The following MTX1 variants were observed in gnomAD, a reference collection of about 807,000 sequenced individuals.
MTX1 encodes the protein metaxin-1.
MTX1 carries 20 observed loss-of-function variants against 39.4 expected under a neutral mutation model. That is an observed-to-expected ratio of 0.51 (90% CI 0.36 to 0.74). The LOEUF (loss-of-function observed/expected upper bound fraction) is 0.74. MTX1 is among the 30% of genes least tolerant of loss of function. The pLI, the probability that MTX1 is intolerant of heterozygous loss-of-function variation, is 0.00. For missense variants in MTX1, 481 were observed against 485.9 expected (o/e 0.99, Z 0.10); for synonymous variants, 209 against 198.6 (o/e 1.05, Z -0.44).
rs1191485367 is a variant in MTX1, at chr1:155,213,195, C to G, written c.1032-42C>G. 4 of 367,742 alleles carry G rather than the reference C, an allele frequency of 1.1e-5. No homozygotes were observed. The Admixed American group carries it at 1.4e-4, about 13-fold the overall frequency. 22.8% of individuals were successfully genotyped at this position (367,742 alleles called of 1,614,324 possible). On this transcript the variant is annotated intron_variant, in intron 6 of 7. Coordinates refer to ENST00000368376, the MANE Select transcript of MTX1 (RefSeq NM_002455.5). ...CAGCTCCATCTTTACCCCTTCTACC[C>G]CAGTGGTTCTCCTCCATCCCACCCT...
At position 155,209,151 on chromosome 1, in the gene MTX1, C is replaced by G; in HGVS notation, c.347C>G (p.Pro116Arg). The G allele has an allele frequency of 6.6e-7, 1 of 1,519,010 alleles. No homozygotes were observed. 94.1% of individuals were successfully genotyped at this position (1,519,010 alleles called of 1,614,324 possible). The change falls in exon 1 of 8, where the codon CCC (proline) becomes CGC (arginine). Residue 116 changes from proline (P) to arginine (R), a missense_variant. Physicochemically the swap from Pro to Arg is moderately radical, Grantham distance 103. Transcript: ENST00000368376. ...GCCTCCCCGGGGATCTCCCCAGGCC[C>G]CCTGACCGCAACGATCGGAGGGGCG... ...SLASPGISPG[P>R]LTATIGGAVA...
At chr1:155,210,300 G>A in intron 1 of MTX1, 46 bp from the exon 2 acceptor site, 3 of 1,506,496 alleles carry the variant, frequency 2.0e-6, no homozygotes, top group Non-Finnish European at 2.8e-6. Flanking sequence ...ATACCACTGT[G>A]GGGGACATGG....
chr1:155,210,220 T>G, intron 1 of MTX1, 126 bp from the exon 2 acceptor site: 1 of 822,946 alleles, frequency 1.2e-6, no homozygotes, highest in Non-Finnish European at 2.0e-6. Flanking sequence ...CCCCCTTTTT[T>G]TTCGAGACTA....
At position 155,208,950 on chromosome 1, in the gene MTX1, C is replaced by T. The variant is rs759927568; in HGVS notation, c.146C>T (p.Pro49Leu). ...CCCCGCTCTCCAGAGCCTGCCGCGC[C>T]TTCAGGGGTTCGGGGCTCCACTTGG... ...TRPRSPEPAA[P>L]SGVRGSTWTR... The change falls in exon 1 of 8, where the codon CCT (proline) becomes CTT (leucine). Residue 49 changes from proline to leucine, a missense_variant. Transcript: ENST00000368376. 4 of 1,609,836 alleles carry T rather than the reference C, an allele frequency of 2.5e-6. No individual in the cohort carries two copies. Among genetic ancestry groups the T allele is most frequent in the Non-Finnish European group, 3.4e-6 (4 of 1,179,092 alleles).
chr1:155,208,853 A>C lies in MTX1; in HGVS notation c.49A>C (p.Lys17Gln), dbSNP rs766966387. Reference sequence around the variant, plus strand: ...CAGTCCCCGCTCGGGGACGAGCCCCAAGGGGCCCTGGAGCAGTACAGGCCA... The same window carrying C: ...CAGTCCCCGCTCGGGGACGAGCCCCCAGGGGCCCTGGAGCAGTACAGGCCA... ...PRSPRSGTSP[K>Q]GPWSSTGHVQ... Residue 17 changes from lysine to glutamine, a missense_variant, in exon 1 of 8, where the codon AAG (lysine) becomes CAG (glutamine). Lys to Gln is a moderately conservative substitution (Grantham distance 53). Transcript: ENST00000368376. 6.3e-7 allele frequency: 1 copy of C among 1,599,354 alleles called. No homozygotes were observed. The highest frequency in any genetic ancestry group is 1.1e-5 in the South Asian group (1 of 90,134).
chr1:155,209,499 T>C (rs1479432800), intron 1 of MTX1, among the ~76,000 whole-genome samples, 167 bp downstream of exon 1: 1 of 152,226 alleles, frequency 6.6e-6, no homozygotes, highest in Non-Finnish European at 1.5e-5. Flanking sequence ...CCCTATGCTG[T>C]AGTTTTCTAG....
chr1:155,208,793 G>T lies in MTX1; in HGVS notation c.-12G>T, dbSNP rs191739539. The T allele has an allele frequency of 1.6e-4, 239 of 1,517,962 alleles. 1 individual carries two copies. The East Asian group carries it at 4.9e-3, about 31-fold the overall frequency. The allele number at this position is 1,517,962 out of a possible 1,614,324, so 94.0% of individuals were successfully genotyped here. On this transcript the variant is annotated 5_prime_UTR_variant, in exon 1 of 8. Transcript: ENST00000368376. ...GCAGGGCCCGCTCCAAACATAACGCGCTGTGGAAAACATGCTGCTCGGGGG... is the reference window on the plus strand; with the variant it reads ...GCAGGGCCCGCTCCAAACATAACGCTCTGTGGAAAACATGCTGCTCGGGGG...
intron 3 of MTX1, chr1:155,211,875 G>A (rs900887524): frequency 2.6e-5 from 9 of 352,812 alleles, no homozygotes; most frequent in Middle Eastern, 7.5e-4. Context: ...AGTTTGCGGC[G>A]GAGCCTTCCT....
chr1:155,212,060 T>C, intron 3 of MTX1, 67 bp from the exon 4 acceptor site: 1 of 1,399,980 alleles, frequency 7.1e-7, no homozygotes, highest in Non-Finnish European at 9.9e-7. Flanking sequence ...CAGACAGGAC[T>C]CCTTCCTCCC....
intron 3 of MTX1, 121 bp from the exon 4 acceptor site, chr1:155,212,006 C>T (rs553455936): frequency 2.3e-6 from 2 of 864,272 alleles, no homozygotes; most frequent in Non-Finnish European, 3.6e-6. Context: ...GGAAAAGTTC[C>T]TTGCTGTACC....
chr1:155,210,570 C>T lies in MTX1; in HGVS notation c.621C>T (p.Thr207=), dbSNP rs549920842. ...CAGGAACTCTGCCTGCCCTTCGGACCAGTCATGGAGAGGTCATCTCAGTTC... is the reference window on the plus strand; with the variant it reads ...CAGGAACTCTGCCTGCCCTTCGGACTAGTCATGGAGAGGTCATCTCAGTTC... ...SPSGTLPALR[T]SHGEVISVPH... The change falls in exon 3 of 8, where the codon ACC becomes ACT. Residue 207 remains threonine (T), a synonymous_variant. Transcript: ENST00000368376. 1.9e-5 allele frequency: 31 copies of T among 1,614,066 alleles called. No homozygotes were observed. The East Asian group carries it at 5.8e-4, about 30-fold the overall frequency.
At chr1:155,212,317 AG>A in intron 4 of MTX1, 67 bp from the exon 5 acceptor site, 1 of 1,602,804 alleles carries the variant, frequency 6.2e-7, no homozygotes, top group Non-Finnish European at 8.5e-7. Context: ...GGGGGTCAGA[AG>A]CCCACCTTGA....
intron 3 of MTX1, 107 bp downstream of exon 3, chr1:155,210,734 C>T (rs1671105202): frequency 9.6e-7 from 1 of 1,038,158 alleles, no homozygotes; most frequent in Non-Finnish European, 1.5e-6. Flanking sequence ...TGCAGGTGAC[C>T]CAGAGCATCA....
In MTX1 at chr1:155,212,402, A is replaced by G; in HGVS notation, c.789A>G (p.Ile263Met). ...CAATCCAGGTACATACTTTTTGGAT[A>G]GACACCAAGAACTACGTGGAAGTGA... ...LLPVLVHTFW[I>M]DTKNYVEVTR... is the part of the protein sequence containing the mutation. The change falls in exon 5 of 8, where the codon ATA becomes ATG. Residue 263 changes from isoleucine (I) to methionine (M), a missense_variant. Ile to Met is a conservative substitution (Grantham distance 10). Transcript: ENST00000368376. 1.2e-6 allele frequency: 2 copies of G among 1,614,206 alleles called. No homozygotes were observed. The highest frequency in any genetic ancestry group is 8.5e-7 in the Non-Finnish European group (1 of 1,180,028).
In MTX1 at chr1:155,208,766, G is replaced by A. The variant is rs1303196549; in HGVS notation, c.-39G>A. 4 of 1,452,172 alleles carry A rather than the reference G, an allele frequency of 2.8e-6. No homozygotes were observed. The highest frequency in any genetic ancestry group is 2.9e-5 in the South Asian group (2 of 69,508). The allele number at this position is 1,452,172 out of a possible 1,614,324, so 90.0% of individuals were successfully genotyped here. ...TGTTTTGTTTCCATGGCGACAGGCG[G>A]CGCAGGGCCCGCTCCAAACATAACG... On this transcript the variant is annotated 5_prime_UTR_variant, in exon 1 of 8. Coordinates refer to ENST00000368376, the MANE Select transcript of MTX1 (RefSeq NM_002455.5).
At position 155,209,330 on chromosome 1, in the gene MTX1, C is replaced by G. The variant is rs1346331074; in HGVS notation, c.526C>G (p.Leu176Val). Residue 176 changes from leucine (L) to valine (V), a missense_variant and splice_region_variant, in exon 1 of 8, where the codon CTG (leucine) becomes GTG (valine). Leu to Val is a conservative substitution (Grantham distance 32). This residue lies in a region of MTX1 where 368 missense variants were observed against 332.8 expected (regional missense o/e 1.11). Transcript: ENST00000368376. The stretch of plus-strand genomic sequence containing the variant: ...AGTGGACCTGGACAGCCTGGCCGTG[C>G]TGGTGAGGGGTGGCGCCGGCGCCCT... ...PSVDLDSLAV[L>V]TYARFTGAPL... The G allele has an allele frequency of 7.0e-7, 1 of 1,419,802 alleles. No homozygotes were observed. The highest frequency in any genetic ancestry group is 9.2e-7 in the Non-Finnish European group (1 of 1,089,276). The allele number at this position is 1,419,802 out of a possible 1,614,324, so 88.0% of individuals were successfully genotyped here.
intron 6 of MTX1, 110 bp from the exon 7 acceptor site, chr1:155,213,127 C>T (rs1321059392): frequency 3.3e-5 from 17 of 514,116 alleles, no homozygotes; most frequent in South Asian, 6.5e-5. Context: ...CCCTGGTGGC[C>T]GCCTGCTGCC....
chr1:155,212,022 T>C (rs1671145261), intron 3 of MTX1, 105 bp from the exon 4 acceptor site: 6 of 1,002,222 alleles, frequency 6.0e-6, no homozygotes, highest in East Asian at 2.5e-5. Context: ...GTACCTCCAC[T>C]GCACTCAGAG....
Position 155,210,271 on chromosome 1 carries a change from A to T in MTX1, c.529-75A>T. On this transcript the variant is annotated intron_variant, in intron 1 of 7. Transcript: ENST00000368376. ...GGAATGGCACATAAGGTATTCAATA[A>T]ATGTTATTTCTCTTCTTGATACCAC... is the stretch of plus-strand genomic sequence containing the variant. 5 of 1,301,188 alleles carry T rather than the reference A, an allele frequency of 3.8e-6. No individual in the cohort carries two copies. The South Asian group carries it at 6.0e-5, about 16-fold the overall frequency. 80.6% of individuals were successfully genotyped at this position (1,301,188 alleles called of 1,614,324 possible). A position where few individuals can be genotyped will look rare whatever the true frequency, so the allele number is the denominator to read the frequency against.
Sources: allele counts gnomAD v4.1 joint callset (sites outside exome capture counted in the v4.1 genomes callset), GRCh38; gene constraint gnomAD v4.1.1; regional missense constraint gnomAD v4.1.1; transcripts MANE v1.5; gene names NCBI Gene and HGNC (gene_info 2026-07-23, HGNC 2026-07-21).